Variants in CCSER2 observed in about 807,000 individuals in gnomAD.
The protein encoded by CCSER2 is coiled-coil serine rich protein 2.
CCSER2 carries 46 observed loss-of-function variants against 92.3 expected under a neutral mutation model. The ratio of observed to expected loss-of-function variants is 0.50; its 90% CI spans 0.39 to 0.64. The LOEUF (loss-of-function observed/expected upper bound fraction) is 0.64. Ranked by LOEUF, CCSER2 falls within the 30% of genes least tolerant of loss-of-function variation. The probability of loss-of-function intolerance (pLI) is 0.00; values close to 1 mark genes in which losing one functional copy is unlikely to be tolerated. For synonymous variants in CCSER2, 433 were observed against 431.4 expected (o/e 1.00, Z -0.04); for missense variants, 1,244 against 1,238.9 (o/e 1.00, Z -0.06).
intron 1 of CCSER2, among the ~76,000 whole-genome samples, chr10:84,370,720 C>T (rs1443043422): frequency 6.6e-6 from 1 of 152,056 alleles, no homozygotes; most frequent in Admixed American, 6.6e-5. Context: ...GGAAGAAGTA[C>T]TCTGTAAGTA....
At chr10:84,432,252 T>C (rs1265575982) in intron 5 of CCSER2, among the ~76,000 whole-genome samples, 1 of 152,218 alleles carries the variant, frequency 6.6e-6, no homozygotes, top group East Asian at 1.9e-4. Context: ...TTTTTTATAA[T>C]TTCAACTTTT....
chr10:84,451,996 AT>A (rs1215829514), intron 6 of CCSER2, among the ~76,000 whole-genome samples: 2 of 152,202 alleles, frequency 1.3e-5, no homozygotes, highest in Non-Finnish European at 2.9e-5. Context: ...GGACTGTGTG[AT>A]GTGATGTGAT....
chr10:84,512,258 G>T (rs1849387424), intron 9 of CCSER2, among the ~76,000 whole-genome samples: 1 of 152,172 alleles, frequency 6.6e-6, no homozygotes, highest in Non-Finnish European at 1.5e-5. Flanking sequence ...AGATTTATTT[G>T]TGGATTAGCA....
intron 9 of CCSER2, among the ~76,000 whole-genome samples, chr10:84,489,739 A>G (rs1848037716): frequency 6.6e-6 from 1 of 152,156 alleles, no homozygotes; most frequent in Non-Finnish European, 1.5e-5. Flanking sequence ...GCCCATTTAC[A>G]TTTAAGGTTA....
chr10:84,353,448 A>T (rs1214179848), intron 1 of CCSER2, among the ~76,000 whole-genome samples: 1 of 152,134 alleles, frequency 6.6e-6, no homozygotes, highest in African/African-American at 2.4e-5. Context: ...TGTTGTAGAT[A>T]TTTTCATTAT....
At chr10:84,506,710 G>A (rs796420751) in intron 9 of CCSER2, among the ~76,000 whole-genome samples, 7 of 152,116 alleles carry the variant, frequency 4.6e-5, no homozygotes, top group South Asian at 2.1e-4. Flanking sequence ...AAGGAGAATC[G>A]CTTGAACCTG....
chr10:84,440,255 C>T (rs943746063), intron 6 of CCSER2, among the ~76,000 whole-genome samples: 1 of 152,182 alleles, frequency 6.6e-6, no homozygotes, highest in Middle Eastern at 3.4e-3. Flanking sequence ...GTACTACACA[C>T]GGGTAAAATT....
At chr10:84,510,441 G>A (rs1286391198) in intron 9 of CCSER2, among the ~76,000 whole-genome samples, 2 of 152,024 alleles carry the variant, frequency 1.3e-5, no homozygotes, top group Admixed American at 1.3e-4. Context: ...AGCTCCTCAA[G>A]CACAGGAACA....
intron 1 of CCSER2, among the ~76,000 whole-genome samples, chr10:84,332,436 A>ATTTTTTTTTTTTTTTT (rs1187303667): frequency 1.8e-5 from 1 of 55,212 alleles, no homozygotes. Context: ...ATATATATAT[A>ATTTTTTTTTTTTTTTT]TTTTTTTTTT....
intron 3 of CCSER2, among the ~76,000 whole-genome samples, chr10:84,413,276 A>G (rs1842743776): frequency 1.3e-5 from 2 of 152,020 alleles, no homozygotes; most frequent in African/African-American, 4.8e-5. Context: ...GCTCTTTGAT[A>G]TGGGCATTTC....
At chr10:84,501,496 A>G (rs928920364) in intron 9 of CCSER2, among the ~76,000 whole-genome samples, 5 of 152,106 alleles carry the variant, frequency 3.3e-5, no homozygotes, top group African/African-American at 4.8e-5. Flanking sequence ...CTGTATTACA[A>G]ATAGAGTTTC....
At chr10:84,333,371 A>G (rs1843678077) in intron 1 of CCSER2, among the ~76,000 whole-genome samples, 1 of 152,042 alleles carries the variant, frequency 6.6e-6, no homozygotes, top group African/African-American at 2.4e-5. Flanking sequence ...CAGCAACCCT[A>G]GGAGGTAGGT....
chr10:84,337,352 C>T (rs750587460), intron 1 of CCSER2, among the ~76,000 whole-genome samples: 9 of 152,136 alleles, frequency 5.9e-5, no homozygotes, highest in Admixed American at 1.3e-4. Flanking sequence ...ATCAGTGAAG[C>T]CAAGTGAAAT....
chr10:84,448,015 C>T (rs750841908), intron 6 of CCSER2, among the ~76,000 whole-genome samples: 5 of 152,060 alleles, frequency 3.3e-5, no homozygotes, highest in Non-Finnish European at 5.9e-5. Flanking sequence ...CCCACTCTTC[C>T]GTGTACCCTT....
intron 6 of CCSER2, among the ~76,000 whole-genome samples, chr10:84,447,830 AGC>A (rs1845021086): frequency 6.6e-6 from 1 of 152,086 alleles, no homozygotes; most frequent in Non-Finnish European, 1.5e-5. Flanking sequence ...TGTTTTTTGC[AGC>A]AGAGTGTTGC....
At chr10:84,435,524 G>C (rs1405548375) in intron 5 of CCSER2, among the ~76,000 whole-genome samples, 1 of 150,906 alleles carries the variant, frequency 6.6e-6, no homozygotes, top group African/African-American at 2.4e-5. Context: ...TCAGATTATA[G>C]TTCTAAAGCA....
At chr10:84,503,076 T>A (rs1848851749) in intron 9 of CCSER2, among the ~76,000 whole-genome samples, 1 of 151,914 alleles carries the variant, frequency 6.6e-6, no homozygotes, top group Non-Finnish European at 1.5e-5. Flanking sequence ...TACGAAAAAT[T>A]AGCGGGGCGT....
At chr10:84,417,242 C>T (rs1842931270) in intron 3 of CCSER2, among the ~76,000 whole-genome samples, 1 of 152,170 alleles carries the variant, frequency 6.6e-6, no homozygotes, top group South Asian at 2.1e-4. Context: ...GTTGAATAGT[C>T]TAGTCTTATC....
intron 9 of CCSER2, among the ~76,000 whole-genome samples, chr10:84,511,409 T>TTAG (rs1849340626): frequency 6.6e-6 from 1 of 152,208 alleles, no homozygotes; most frequent in South Asian, 2.1e-4. Flanking sequence ...TAGGTTGTCT[T>TTAG]AATAATCAGT....
Sources: gnomAD v4.1 joint callset for allele counts (sites outside exome capture counted in the v4.1 genomes callset) on GRCh38, gnomAD v4.1.1 for gene constraint, MANE v1.5 for transcripts, NCBI Gene and HGNC (gene_info 2026-07-23, HGNC 2026-07-21) for gene names.